Variants in PCDH15 observed in about 807,000 individuals in gnomAD.
The protein encoded by PCDH15 is protocadherin-15.
Under a neutral mutation model 178.5 loss-of-function variants are expected in PCDH15, and 129 were observed. The ratio of observed to expected loss-of-function variants is 0.72; its 90% CI spans 0.63 to 0.84. The LOEUF is 0.84. Among genes scored for constraint, PCDH15 ranks in the 40% least tolerant of loss-of-function variants. The pLI is 0.00. For missense variants in PCDH15, 2,230 were observed against 2,099.9 expected (o/e 1.06, Z -1.21); for synonymous variants, 800 against 732.0 (o/e 1.09, Z -1.50).
chr10:54,548,566 A>G (rs935527752), intron 2 of PCDH15, among the ~76,000 whole-genome samples: 8 of 146,660 alleles, frequency 5.5e-5, no homozygotes, highest in African/African-American at 2.0e-4. Context: ...TATATAAATT[A>G]TTATATAATA....
At chr10:53,895,741 C>G (rs1320558423) in intron 26 of PCDH15, among the ~76,000 whole-genome samples, 2 of 152,154 alleles carry the variant, frequency 1.3e-5, no homozygotes, top group Non-Finnish European at 2.9e-5. Context: ...AAAATCAAAT[C>G]TTACTTGTTA....
At chr10:55,331,680 G>A (rs994029302) in intron 2 of PCDH15, among the ~76,000 whole-genome samples, 1 of 152,086 alleles carries the variant, frequency 6.6e-6, no homozygotes, top group African/African-American at 2.4e-5. Flanking sequence ...AGAAACTGCG[G>A]CTGTATATTT....
chr10:54,963,660 C>A (rs1298259315), intron 2 of PCDH15, among the ~76,000 whole-genome samples: 1 of 152,184 alleles, frequency 6.6e-6, no homozygotes, highest in Non-Finnish European at 1.5e-5. Context: ...CACCATTTTG[C>A]AAGATCCTAA....
rs1947270247 is a variant in PCDH15, at chr10:54,369,217, C to G, written c.377G>C (p.Gly126Ala). The change falls in exon 5 of 38, where the codon GGC (glycine) becomes GCC (alanine). Residue 126 changes from glycine to alanine, a missense_variant. By Grantham distance (60) the Gly-to-Ala change is moderately conservative. Transcript: ENST00000644397. ...TCGCACTTCATGGTAGATAATAGTGCCCACTTTTTTGTTGATGCACTGGAC... is the reference window on the plus strand; with the variant it reads ...TCGCACTTCATGGTAGATAATAGTGGCCACTTTTTTGTTGATGCACTGGAC... ...VQVQCINKKV[G>A]TIIYHEVRIV... is the part of the protein sequence containing the mutation. The G allele has an allele frequency of 5.6e-6, 9 of 1,612,746 alleles. No individual in the cohort carries two copies. Among genetic ancestry groups the G allele is most frequent in the Non-Finnish European group, 5.9e-6 (7 of 1,179,358 alleles).
intron 3 of PCDH15, among the ~76,000 whole-genome samples, chr10:54,879,723 A>G (rs1028859566): frequency 3.3e-5 from 5 of 151,540 alleles, no homozygotes; most frequent in African/African-American, 1.2e-4. Context: ...GTTCATAATG[A>G]AATTCACATT....
chr10:55,320,665 G>T (rs1480256594), upstream of PCDH15, among the ~76,000 whole-genome samples: 1 of 152,134 alleles, frequency 6.6e-6, no homozygotes, highest in Non-Finnish European at 1.5e-5. Context: ...ATTAGAGTAT[G>T]CAGAGCCTTG....
At chr10:55,254,356 G>T (rs912269279) in intron 1 of PCDH15, among the ~76,000 whole-genome samples, 3 of 152,104 alleles carry the variant, frequency 2.0e-5, no homozygotes, top group Non-Finnish European at 4.4e-5. Context: ...TTTGGAAGAG[G>T]CTATTTTTTT....
intron 2 of PCDH15, among the ~76,000 whole-genome samples, chr10:55,017,791 C>T (rs971296588): frequency 6.6e-6 from 1 of 151,912 alleles, no homozygotes; most frequent in Admixed American, 6.6e-5. Context: ...GGATAGTATA[C>T]CTCCAAAGGC....
At chr10:54,555,736 CAAA>C (rs869032040) in intron 2 of PCDH15, among the ~76,000 whole-genome samples, 13 of 73,374 alleles carry the variant, frequency 1.8e-4, no homozygotes, top group Admixed American at 6.0e-4. Context: ...GACTCTGTCT[CAAA>C]AAAAAAAAAA....
chr10:54,467,710 C>T (rs1476878586), intron 3 of PCDH15, among the ~76,000 whole-genome samples: 1 of 148,892 alleles, frequency 6.7e-6, no homozygotes, highest in African/African-American at 2.5e-5. Context: ...ATTCCCTCCT[C>T]CCCAAATATT....
intron 1 of PCDH15, among the ~76,000 whole-genome samples, chr10:54,727,222 A>AC (rs1463119586): frequency 8.8e-5 from 13 of 148,024 alleles, no homozygotes; most frequent in African/African-American, 3.0e-4. Context: ...AATTAAAAAA[A>AC]ACACATGCAC....
intron 6 of PCDH15, among the ~76,000 whole-genome samples, chr10:54,342,038 T>C (rs1942328805): frequency 6.6e-6 from 1 of 152,148 alleles, no homozygotes; most frequent in Non-Finnish European, 1.5e-5. Flanking sequence ...AAGCAGAGAA[T>C]AAAACTTTAA....
At chr10:55,056,304 T>C (rs1841301368) in intron 2 of PCDH15, among the ~76,000 whole-genome samples, 1 of 152,166 alleles carries the variant, frequency 6.6e-6, no homozygotes, top group Non-Finnish European at 1.5e-5. Flanking sequence ...TGATTTCATC[T>C]CAAAATACTC....
intron 13 of PCDH15, among the ~76,000 whole-genome samples, chr10:54,173,679 G>A (rs1164877819): frequency 6.6e-6 from 1 of 152,040 alleles, no homozygotes; most frequent in African/African-American, 2.4e-5. Context: ...TCAATGTGCT[G>A]GGACTGTGTA....
At chr10:53,876,464 GC>G (rs2080252758) in intron 26 of PCDH15, among the ~76,000 whole-genome samples, 1 of 152,082 alleles carries the variant, frequency 6.6e-6, no homozygotes, top group Non-Finnish European at 1.5e-5. Flanking sequence ...GGGATTACAG[GC>G]ATGAGCCACC....
At chr10:54,549,179 ATTAT>A (rs1441902784) in intron 2 of PCDH15, among the ~76,000 whole-genome samples, 1 of 150,446 alleles carries the variant, frequency 6.6e-6, no homozygotes, top group African/African-American at 2.4e-5. Context: ...TATGTTTTTT[ATTAT>A]TTATTTTTAT....
chr10:55,098,895 TGAGAGAGAGAGAGAGAGAGAGA>T, intron 2 of PCDH15, among the ~76,000 whole-genome samples: 1 of 120,260 alleles, frequency 8.3e-6, no homozygotes, highest in South Asian at 3.0e-4. Context: ...AAAACTTCAA[TGAGAGAGAGAGAGAGAGAGAGA>T]GAGAGAGAGA....
chr10:54,652,568 T>G (rs1233585598), intron 2 of PCDH15, among the ~76,000 whole-genome samples: 4 of 152,284 alleles, frequency 2.6e-5, no homozygotes, highest in Admixed American at 1.3e-4. Flanking sequence ...TGTAACTATA[T>G]TTGGATATAG....
chr10:55,063,976 T>A (rs1392524377), intron 2 of PCDH15, among the ~76,000 whole-genome samples: 1 of 152,134 alleles, frequency 6.6e-6, no homozygotes, highest in Non-Finnish European at 1.5e-5. Flanking sequence ...GTTTCATGCC[T>A]TTAGATGAAG....
Sources: gnomAD v4.1 joint callset for allele counts (sites outside exome capture counted in the v4.1 genomes callset) on GRCh38, gnomAD v4.1.1 for gene constraint, MANE v1.5 for transcripts, NCBI Gene and HGNC (gene_info 2026-07-23, HGNC 2026-07-21) for gene names.